The following CTNNA3 variants were observed in gnomAD, a reference collection of about 807,000 sequenced individuals.
The protein encoded by CTNNA3 is catenin alpha-3.
Under a neutral mutation model 95.7 loss-of-function variants are expected in CTNNA3, and 76 were observed. That is an observed-to-expected ratio of 0.79 (90% confidence interval 0.66 to 0.96). CTNNA3 has a LOEUF of 0.96. CTNNA3 is among the 40% of genes least tolerant of loss of function. The pLI is 0.00. For synonymous variants in CTNNA3, 431 were observed against 374.4 expected (o/e 1.15, Z -1.74); for missense variants, 1,191 against 1,089.8 (o/e 1.09, Z -1.31).
In CTNNA3 at chr10:66,568,586, G is replaced by C. The variant is rs149314363; in HGVS notation, c.1375-47813C>G. On this transcript the variant is annotated intron_variant, in intron 10 of 17. Transcript: ENST00000433211. ...GCATACAGAACATAACATTTTTAGAGCTCAGAATTGGGTTCACCACCTTCC... is the reference window on the plus strand; with the variant it reads ...GCATACAGAACATAACATTTTTAGACCTCAGAATTGGGTTCACCACCTTCC... 3.4e-4 allele frequency among the ~76,000 whole-genome samples: 52 copies of C among 152,064 alleles called. 1 individual carries two copies. The East Asian group carries it at 8.7e-3, about 26-fold the overall frequency.
chr10:67,094,793 G>T (rs1857870388), intron 7 of CTNNA3, among the ~76,000 whole-genome samples: 1 of 151,508 alleles, frequency 6.6e-6, no homozygotes, highest in Admixed American at 6.6e-5. Context: ...AGACTTACCT[G>T]AACACAATTT....
chr10:66,484,997 A>G (rs1839676220), intron 11 of CTNNA3, among the ~76,000 whole-genome samples: 1 of 152,124 alleles, frequency 6.6e-6, no homozygotes, highest in Admixed American at 6.5e-5. Flanking sequence ...ATATGGTTAT[A>G]TCAATAAATA....
At chr10:66,899,642 C>A (rs1845645855) in intron 7 of CTNNA3, among the ~76,000 whole-genome samples, 1 of 152,108 alleles carries the variant, frequency 6.6e-6, no homozygotes, top group African/African-American at 2.4e-5. Flanking sequence ...CGGTACACTT[C>A]CCCCCAAATA....
chr10:67,251,528 A>T (rs1866108775), intron 5 of CTNNA3, among the ~76,000 whole-genome samples: 1 of 152,192 alleles, frequency 6.6e-6, no homozygotes, highest in Non-Finnish European at 1.5e-5. Flanking sequence ...AGACATACCC[A>T]TACATATGTC....
At chr10:66,855,327 T>G (rs1312967661) in intron 7 of CTNNA3, among the ~76,000 whole-genome samples, 2 of 152,004 alleles carry the variant, frequency 1.3e-5, no homozygotes, top group Admixed American at 6.6e-5. Context: ...GGCATAGTAC[T>G]TTATAAAAGA....
chr10:66,104,578 T>C (rs2081805874), intron 13 of CTNNA3, among the ~76,000 whole-genome samples: 5 of 152,198 alleles, frequency 3.3e-5, no homozygotes, highest in Non-Finnish European at 7.3e-5. Flanking sequence ...TATGTAGCTT[T>C]TCATTCCTAA....
chr10:67,446,219 TAAACCCTTCCACTGTATCCCTTAA>T (rs1846741812), intron 5 of CTNNA3, among the ~76,000 whole-genome samples: 1 of 152,118 alleles, frequency 6.6e-6, no homozygotes, highest in Non-Finnish European at 1.5e-5. Context: ...TTCTAACATC[TAAACCCTTCCACTGTATCCCTTAA>T]AATCTATACT....
intron 7 of CTNNA3, among the ~76,000 whole-genome samples, chr10:66,895,667 A>G (rs1039317797): frequency 6.6e-6 from 1 of 152,122 alleles, no homozygotes; most frequent in Non-Finnish European, 1.5e-5. Flanking sequence ...TTTATGCCTC[A>G]GTTTTCCTCG....
chr10:66,192,486 A>G (rs191228160), intron 13 of CTNNA3, among the ~76,000 whole-genome samples: 174 of 152,308 alleles, frequency 1.1e-3, no homozygotes, highest in African/African-American at 3.9e-3. Context: ...AGTGAACTCC[A>G]CAAGTTCATA....
intron 1 of CTNNA3, among the ~76,000 whole-genome samples, chr10:67,737,912 C>A (rs1176369730): frequency 6.6e-6 from 1 of 152,164 alleles, no homozygotes; most frequent in African/African-American, 2.4e-5. Context: ...TGGGTATATA[C>A]CCAAAGGAGT....
chr10:66,228,384 A>C (rs2089424482), intron 13 of CTNNA3, among the ~76,000 whole-genome samples: 1 of 152,026 alleles, frequency 6.6e-6, no homozygotes, highest in Non-Finnish European at 1.5e-5. Context: ...TTCTTTGAAG[A>C]AATTTCTTCA....
chr10:66,381,446 A>G (rs2092837919), intron 11 of CTNNA3, among the ~76,000 whole-genome samples: 1 of 152,206 alleles, frequency 6.6e-6, no homozygotes, highest in African/African-American at 2.4e-5. Flanking sequence ...ATATCTCTCT[A>G]GTAGAATTTG....
rs3056552 is a variant in CTNNA3 at position 66,931,192 on chromosome 10, T to TAAAAA, written c.1048-155673_1048-155669dup. On this transcript the variant is annotated intron_variant, in intron 7 of 17. Transcript: ENST00000433211. Reference sequence around the variant, plus strand: ...GACTTCCCTCAAAGGTGACAACAGTTAAAAAAAAAAAAAAAAAAAGCCTGA... The same window carrying TAAAAA: ...GACTTCCCTCAAAGGTGACAACAGTTAAAAAAAAAAAAAAAAAAAAAAAAGCCTGA... 5.0e-3 allele frequency among the ~76,000 whole-genome samples: 588 copies of TAAAAA among 118,612 alleles called. 6 individuals carry two copies. Among genetic ancestry groups the TAAAAA allele is most frequent in the African/African-American group, 0.015 (471 of 31,116 alleles). 77.8% of individuals were successfully genotyped at this position (118,612 alleles called of 152,430 possible). A position where few individuals can be genotyped will look rare whatever the true frequency, so the allele number is the denominator to read the frequency against.
At chr10:65,963,313 C>CA (rs1011391451) in intron 17 of CTNNA3, among the ~76,000 whole-genome samples, 26 of 152,270 alleles carry the variant, frequency 1.7e-4, no homozygotes, top group African/African-American at 6.3e-4. Flanking sequence ...TGATTTCAGT[C>CA]AAATCAGACT....
Position 66,939,416 on chromosome 10 carries a change from A to G in CTNNA3, c.1048-163892T>C, listed in dbSNP as rs535850752. On this transcript the variant is annotated intron_variant, in intron 7 of 17. Transcript: ENST00000433211. ...CTTCAAACTGAGTTAAAAGGAAAAT[A>G]CTAATAGTTTTATCTCTCATGAAAG... 1.1e-3 allele frequency among the ~76,000 whole-genome samples: 173 copies of G among 152,318 alleles called. 1 individual carries two copies. The highest frequency in any genetic ancestry group is 4.1e-3 in the African/African-American group (171 of 41,578).
intron 9 of CTNNA3, among the ~76,000 whole-genome samples, chr10:66,650,440 T>C (rs1372019834): frequency 6.6e-6 from 1 of 152,072 alleles, no homozygotes; most frequent in Non-Finnish European, 1.5e-5. Context: ...AAGAAGAAAG[T>C]AAAAGAGAAA....
chr10:67,286,298 T>G (rs1413601629), intron 5 of CTNNA3, among the ~76,000 whole-genome samples: 1 of 152,226 alleles, frequency 6.6e-6, no homozygotes, highest in African/African-American at 2.4e-5. Flanking sequence ...TAATGCCATT[T>G]TAAATGACCA....
At chr10:67,685,109 T>C (rs565676584) in intron 1 of CTNNA3, among the ~76,000 whole-genome samples, 2 of 152,358 alleles carry the variant, frequency 1.3e-5, no homozygotes, top group Admixed American at 6.5e-5. Context: ...GATTTTGTTA[T>C]TTCTTGCAAA....
intron 9 of CTNNA3, among the ~76,000 whole-genome samples, chr10:66,746,326 C>T (rs1159054428): frequency 1.3e-5 from 2 of 151,996 alleles, no homozygotes; most frequent in South Asian, 2.1e-4. Flanking sequence ...TCCATTTAGA[C>T]CTAGTTTAGA....
Sources: gnomAD v4.1 joint callset for allele counts (sites outside exome capture counted in the v4.1 genomes callset) on GRCh38, gnomAD v4.1.1 for gene constraint, MANE v1.5 for transcripts, NCBI Gene and HGNC (gene_info 2026-07-23, HGNC 2026-07-21) for gene names.